TRIM9: variants seen among roughly 807,000 people sequenced by gnomAD.
TRIM9 encodes the protein tripartite motif containing 9.
Under a neutral mutation model 78.3 loss-of-function variants are expected in TRIM9, and 26 were observed. That is an observed-to-expected ratio of 0.33 (90% CI 0.24 to 0.46). The LOEUF (loss-of-function observed/expected upper bound fraction) is 0.46, where lower values mean the gene tolerates loss of function less well. Ranked by LOEUF, TRIM9 falls within the 20% of genes least tolerant of loss-of-function variation. The probability of loss-of-function intolerance (pLI) is 1.00; values close to 1 mark genes in which losing one functional copy is unlikely to be tolerated. For missense variants in TRIM9, 787 were observed against 1,036.4 expected, an observed-to-expected ratio of 0.76 and a Z score of 3.30; for synonymous variants, 398 against 416.5, an observed-to-expected ratio of 0.96 and a Z score of 0.54.
rs1048015435 is a variant in TRIM9 at position 50,976,146 on chromosome 14, TG to T, written c.*1144del. The stretch of plus-strand genomic sequence containing the variant: ...TTTTCAACTGTCAATTTTTAAGGCG[TG>T]GTATCATAGCAGCATCAGCAAATAA... On this transcript the variant is annotated 3_prime_UTR_variant, in exon 13 of 13. Coordinates refer to ENST00000684578, the MANE Select transcript of TRIM9 (RefSeq NM_001387360.1). 1 of 152,474 alleles carries T rather than the reference TG, an allele frequency of 6.6e-6. No individual in the cohort carries two copies. Among genetic ancestry groups the T allele is most frequent in the African/African-American group, 2.4e-5 (1 of 41,380 alleles). 9.4% of individuals were successfully genotyped at this position (152,474 alleles called of 1,614,324 possible).
chr14:51,031,819 G>A (rs10129635), intron 1 of TRIM9, among the ~76,000 whole-genome samples: 9,175 of 152,240 alleles, frequency 0.06, 327 homozygotes, highest in East Asian at 0.1. Flanking sequence ...GCAGGCCAAG[G>A]TTACCTTGAA....
intron 1 of TRIM9, among the ~76,000 whole-genome samples, chr14:51,046,002 T>C (rs1690191403): frequency 1.3e-5 from 2 of 152,106 alleles, no homozygotes; most frequent in South Asian, 2.1e-4. Flanking sequence ...GCAACACACA[T>C]TGACGTAATG....
rs1214039600 is a variant in TRIM9 at position 51,070,058 on chromosome 14, A to T, written c.822+24060T>A. Among the ~76,000 whole-genome samples the T allele has an allele frequency of 3.3e-5, 5 of 152,180 alleles. No homozygotes were observed. The South Asian group carries it at 6.2e-4, about 19-fold the overall frequency. On this transcript the variant is annotated intron_variant, in intron 1 of 12. Transcript: ENST00000684578. ...TTGTTTCAGCTCTAATTCAATAAAC[A>T]AGTGTACTTTTCATGGTATATTCAG...
Position 51,022,802 on chromosome 14 carries a change from G to A in TRIM9, c.1041+33C>T, listed in dbSNP as rs377015107. The A allele has an allele frequency of 1.2e-5, 20 of 1,612,136 alleles. No individual in the cohort carries two copies. The African/African-American group carries it at 2.3e-4, about 18-fold the overall frequency. ...ATGCCCCTCGGGAGCCTGGCTTGTT[G>A]GCTTTCTGCTCTTCCCATGATGCAG... is the stretch of plus-strand genomic sequence containing the variant. On this transcript the variant is annotated intron_variant, in intron 3 of 12. Transcript: ENST00000684578.
Position 51,025,322 on chromosome 14 carries a change from CCTGT to C in TRIM9, c.857_860del (p.Asp286GlyfsTer60). The C allele has an allele frequency of 6.2e-7, 1 of 1,614,174 alleles. No homozygotes were observed. Among genetic ancestry groups the C allele is most frequent in the Non-Finnish European group, 8.5e-7 (1 of 1,180,034 alleles). On this transcript the variant is annotated frameshift_variant, in exon 2 of 13. Coordinates refer to ENST00000684578, the MANE Select transcript of TRIM9 (RefSeq NM_001387360.1). LOFTEE classifies it high-confidence loss of function. ...CCAGAAACTCCTTGGCTTCTTTGGCCCTGTCTGACAGTCCGTTCAGCGCCTGGGA... is the reference window on the plus strand; with the variant it reads ...CCAGAAACTCCTTGGCTTCTTTGGCCCTGACAGTCCGTTCAGCGCCTGGGA...
chr14:51,074,661 A>G (rs1019526825), intron 1 of TRIM9, among the ~76,000 whole-genome samples: 3 of 152,198 alleles, frequency 2.0e-5, no homozygotes, highest in Admixed American at 6.5e-5. Flanking sequence ...GGAAATGACA[A>G]TGAGTGTGGC....
chr14:51,007,800 CA>C (rs3029461), intron 5 of TRIM9, among the ~76,000 whole-genome samples: 44,736 of 132,566 alleles, frequency 0.34, 7,831 homozygotes, highest in African/African-American at 0.5. Flanking sequence ...CATATTAAAC[CA>C]AAAAAAAAAA....
intron 1 of TRIM9, among the ~76,000 whole-genome samples, chr14:51,028,717 G>C (rs2058468307): frequency 1.3e-5 from 2 of 152,194 alleles, no homozygotes; most frequent in Admixed American, 1.3e-4. Flanking sequence ...TTACTGAAAA[G>C]GTGTCACGAT....
chr14:50,996,819 T>C (rs1463406052), intron 7 of TRIM9: 2 of 985,328 alleles, frequency 2.0e-6, no homozygotes, highest in African/African-American at 3.5e-5. Flanking sequence ...CATGTGGGCA[T>C]TTTCCCTCAG....
At chr14:51,080,017 C>T (rs2063153142) in intron 1 of TRIM9, among the ~76,000 whole-genome samples, 1 of 152,150 alleles carries the variant, frequency 6.6e-6, no homozygotes, top group African/African-American at 2.4e-5. Flanking sequence ...TTTGCCTCAT[C>T]CCAGAAACTT....
intron 10 of TRIM9, 45 bp from the exon 11 acceptor site, chr14:50,982,148 A>G: frequency 6.2e-7 from 1 of 1,600,262 alleles, no homozygotes; most frequent in Non-Finnish European, 8.5e-7. Flanking sequence ...CAGACCCAAC[A>G]AGCTCAGCAC....
At position 51,022,916 on chromosome 14, in the gene TRIM9, A is replaced by G; in HGVS notation, c.960T>C (p.Cys320=). The part of the protein sequence containing the change: ...VEFEACLVAQ[C]DALIDALNRR... ...TGTTGAGGGCATCGATGAGGGCATC[A>G]CATTGGGCCACCAGACAGGCTTCAA... is the stretch of plus-strand genomic sequence containing the variant. Residue 320 remains cysteine (C), a synonymous_variant, in exon 3 of 13, where the codon TGT becomes TGC. Transcript: ENST00000684578. 1 of 1,614,158 alleles carries G rather than the reference A, an allele frequency of 6.2e-7. No homozygotes were observed. The highest frequency in any genetic ancestry group is 8.5e-7 in the Non-Finnish European group (1 of 1,180,024).
chr14:50,994,125 G>T (rs1290898286), intron 7 of TRIM9, among the ~76,000 whole-genome samples: 1 of 152,196 alleles, frequency 6.6e-6, no homozygotes, highest in Non-Finnish European at 1.5e-5. Context: ...AGGCAGGTAG[G>T]GGCTACATGG....
intron 1 of TRIM9, among the ~76,000 whole-genome samples, chr14:51,073,387 T>C (rs1454528142): frequency 2.6e-5 from 4 of 152,164 alleles, no homozygotes; most frequent in African/African-American, 9.7e-5. Flanking sequence ...AGCTCAAACC[T>C]GGAAACTATC....
At chr14:51,010,305 T>C (rs533459628) in intron 4 of TRIM9, 79 bp downstream of exon 4, 6 of 1,158,256 alleles carry the variant, frequency 5.2e-6, no homozygotes, top group African/African-American at 1.5e-5. Flanking sequence ...CCCAGGGCTG[T>C]TGGAAGTCTG....
chr14:51,029,209 C>G (rs987162838), intron 1 of TRIM9, among the ~76,000 whole-genome samples: 4 of 152,206 alleles, frequency 2.6e-5, no homozygotes, highest in African/African-American at 9.6e-5. Flanking sequence ...AAGAAGCTTT[C>G]TGGCTGTCTC....
At chr14:50,981,714 T>G in intron 11 of TRIM9, 86 bp downstream of exon 11, 2 of 1,539,052 alleles carry the variant, frequency 1.3e-6, no homozygotes, top group Non-Finnish European at 8.9e-7. Flanking sequence ...CTGAATGTGG[T>G]CTATGTAATA....
chr14:51,030,853 A>C (rs1287646080), intron 1 of TRIM9, among the ~76,000 whole-genome samples: 1 of 152,054 alleles, frequency 6.6e-6, no homozygotes, highest in Non-Finnish European at 1.5e-5. Context: ...ATTGGTTATA[A>C]GAAAGATTCG....
chr14:50,987,486 A>G (rs895732191), intron 7 of TRIM9, among the ~76,000 whole-genome samples: 1 of 152,246 alleles, frequency 6.6e-6, no homozygotes, highest in African/African-American at 2.4e-5. Flanking sequence ...AGTATAAACC[A>G]GATCTCAGAG....
Sources: allele counts gnomAD v4.1 joint callset (sites outside exome capture counted in the v4.1 genomes callset), GRCh38; gene constraint gnomAD v4.1.1; transcripts MANE v1.5; gene names NCBI Gene and HGNC (gene_info 2026-07-23, HGNC 2026-07-21).